Variants in COL4A6 observed in about 807,000 individuals in gnomAD.
COL4A6 encodes collagen type IV alpha 6 chain, also known as collagen alpha-6(IV) chain.
In COL4A6, 59 loss-of-function variants were observed where a neutral mutation model predicts 126.7. That is an observed-to-expected ratio of 0.47 (90% CI 0.38 to 0.58). COL4A6 has a LOEUF of 0.58. Ranked by LOEUF, COL4A6 falls within the 20% of genes least tolerant of loss-of-function variation. The probability of loss-of-function intolerance (pLI) is 0.00; values close to 1 mark genes in which losing one functional copy is unlikely to be tolerated. For synonymous variants in COL4A6, 547 were observed against 496.6 expected (o/e 1.10, Z -1.35); for missense variants, 1,285 against 1,337.3 (o/e 0.96, Z 0.61).
chrX:108,364,098 C>T (rs1184284560), intron 2 of COL4A6, among the ~76,000 whole-genome samples: 3 of 110,674 alleles, frequency 2.7e-5, no homozygotes, highest in African/African-American at 9.9e-5. Context: ...TCTTGAACTC[C>T]TGTCCTCAAG....
intron 22 of COL4A6, among the ~76,000 whole-genome samples, 163 bp downstream of exon 22, chrX:108,187,685 A>C (rs1237680978): frequency 8.9e-6 from 1 of 112,230 alleles, no homozygotes; most frequent in African/African-American, 3.2e-5. Flanking sequence ...TTCCCACTTT[A>C]CATAAAGGAA....
Position 108,416,786 on chromosome X carries a change from T to C in COL4A6, c.63+21156A>G, listed in dbSNP as rs1017997389. On this transcript the variant is annotated intron_variant, in intron 2 of 44. Coordinates refer to ENST00000334504, the MANE Select transcript of COL4A6 (RefSeq NM_033641.4). ...AGTTACTGCATTTTTTAAGTGCCTA[T>C]GGTGTGCCTGATACCTTGTTGGGTG... is the stretch of plus-strand genomic sequence containing the variant. 3.6e-5 allele frequency among the ~76,000 whole-genome samples: 4 copies of C among 112,157 alleles called. No homozygotes were observed. The Admixed American group carries it at 3.8e-4, about 11-fold the overall frequency.
intron 2 of COL4A6, among the ~76,000 whole-genome samples, chrX:108,415,580 T>G (rs1441239165): frequency 1.8e-5 from 2 of 111,984 alleles, no homozygotes; most frequent in Non-Finnish European, 3.8e-5. Context: ...TGGTAAGTAG[T>G]TCAATTCAGA....
At chrX:108,378,661 A>T (rs1335886174) in intron 2 of COL4A6, among the ~76,000 whole-genome samples, 4 of 112,788 alleles carry the variant, frequency 3.5e-5, no homozygotes, top group Non-Finnish European at 5.6e-5. Flanking sequence ...TATGATCCAT[A>T]AAAACTATTC....
chrX:108,298,741 G>A (rs143884198), intron 3 of COL4A6, among the ~76,000 whole-genome samples: 1,421 of 109,105 alleles, frequency 0.013, 18 homozygotes, highest in Non-Finnish European at 0.022. Flanking sequence ...GCAGGGAGGG[G>A]GCAGGCGGAC....
intron 13 of COL4A6, among the ~76,000 whole-genome samples, chrX:108,201,629 A>G (rs1368961882): frequency 8.9e-6 from 1 of 112,130 alleles, no homozygotes; most frequent in Non-Finnish European, 1.9e-5. Flanking sequence ...TGATGGGTAC[A>G]CGAGGAATCA....
At chrX:108,198,700 C>G (rs1243394818) in intron 13 of COL4A6, among the ~76,000 whole-genome samples, 1 of 110,969 alleles carries the variant, frequency 9.0e-6, no homozygotes, top group Non-Finnish European at 1.9e-5. Flanking sequence ...TGGAAAGCCT[C>G]AATGGGGCTA....
At chrX:108,423,041 G>A (rs2064009746) in intron 2 of COL4A6, among the ~76,000 whole-genome samples, 1 of 112,123 alleles carries the variant, frequency 8.9e-6, no homozygotes, top group Non-Finnish European at 1.9e-5. Flanking sequence ...TGATGTTTTT[G>A]CCTTTAGTTT....
chrX:108,429,659 C>A (rs939302784), intron 2 of COL4A6, among the ~76,000 whole-genome samples: 2 of 111,383 alleles, frequency 1.8e-5, no homozygotes, highest in African/African-American at 6.5e-5. Context: ...CTACAATTAT[C>A]TCAATAAAAA....
chrX:108,358,639 C>T lies in COL4A6; in HGVS notation c.64-47811G>A, dbSNP rs765001103. 5.4e-5 allele frequency among the ~76,000 whole-genome samples: 6 copies of T among 111,740 alleles called. No individual in the cohort carries two copies. The East Asian group carries it at 1.7e-3, about 32-fold the overall frequency. On this transcript the variant is annotated intron_variant, in intron 2 of 44. Coordinates refer to ENST00000334504, the MANE Select transcript of COL4A6 (RefSeq NM_033641.4). ...CGAACTCCTGAACTCAGGTGATCTG[C>T]CCTCCTCAGCCTCCCAGAGTGCTGG...
chrX:108,162,071 T>C (rs769898665), intron 41 of COL4A6, among the ~76,000 whole-genome samples: 28 of 112,387 alleles, frequency 2.5e-4, no homozygotes, highest in African/African-American at 8.1e-4. Flanking sequence ...ACACCGAGGC[T>C]GGGCGCAGTG....
At chrX:108,204,954 G>A (rs1015193126) in intron 11 of COL4A6, among the ~76,000 whole-genome samples, 1 of 108,605 alleles carries the variant, frequency 9.2e-6, no homozygotes, top group African/African-American at 3.4e-5. Context: ...AAAAGAGAAT[G>A]GTGAAAGAGA....
intron 8 of COL4A6, among the ~76,000 whole-genome samples, chrX:108,207,271 G>A (rs1228840979): frequency 1.1e-5 from 1 of 91,775 alleles, no homozygotes; most frequent in Non-Finnish European, 2.1e-5. Flanking sequence ...AGTGGGAGCT[G>A]AACAATGAGA....
At chrX:108,271,081 A>G (rs2037437584) in intron 3 of COL4A6, among the ~76,000 whole-genome samples, 1 of 112,418 alleles carries the variant, frequency 8.9e-6, no homozygotes, top group Admixed American at 9.4e-5. Flanking sequence ...TACTTGTTCT[A>G]TTCATTAAAT....
chrX:108,309,495 C>T (rs962697979), intron 3 of COL4A6, among the ~76,000 whole-genome samples: 1 of 110,918 alleles, frequency 9.0e-6, no homozygotes, highest in Non-Finnish European at 1.9e-5. Flanking sequence ...TTCTCTAAGT[C>T]CATGTCTTTA....
chrX:108,240,619 T>C (rs1384162800), intron 3 of COL4A6, among the ~76,000 whole-genome samples: 1 of 111,715 alleles, frequency 9.0e-6, no homozygotes, highest in Non-Finnish European at 1.9e-5. Flanking sequence ...AGACAAGCCT[T>C]TGTTTGGTTC....
intron 2 of COL4A6, among the ~76,000 whole-genome samples, chrX:108,326,555 T>C (rs11092607): frequency 0.26 from 28,496 of 111,069 alleles, 3,001 homozygotes; most frequent in East Asian, 0.57. Context: ...TCAAGACTTA[T>C]TGTGAAGCTA....
At chrX:108,295,194 A>G (rs996289637) in intron 3 of COL4A6, among the ~76,000 whole-genome samples, 6 of 112,151 alleles carry the variant, frequency 5.3e-5, no homozygotes, top group Non-Finnish European at 1.1e-4. Flanking sequence ...CACAGATGGG[A>G]TTACTAGACA....
At chrX:108,375,735 T>A (rs1194765481) in intron 2 of COL4A6, among the ~76,000 whole-genome samples, 2 of 108,629 alleles carry the variant, frequency 1.8e-5, no homozygotes, top group Non-Finnish European at 3.8e-5. Flanking sequence ...GTGATTAAGT[T>A]TAGCACAATC....
Sources: gnomAD v4.1 joint callset for allele counts (sites outside exome capture counted in the v4.1 genomes callset) on GRCh38, gnomAD v4.1.1 for gene constraint, MANE v1.5 for transcripts, NCBI Gene and HGNC (gene_info 2026-07-23, HGNC 2026-07-21) for gene names.